The following ANO5 variants were observed in gnomAD, a reference collection of about 807,000 sequenced individuals.
The protein encoded by ANO5 is anoctamin-5.
ANO5 carries 109 observed loss-of-function variants against 121.0 expected under a neutral mutation model. The ratio of observed to expected loss-of-function variants is 0.90; its 90% confidence interval spans 0.77 to 1.06. The LOEUF (loss-of-function observed/expected upper bound fraction) is 1.06. Among genes scored for constraint, ANO5 ranks in the 50% least tolerant of loss-of-function variants. The pLI, the probability that ANO5 is intolerant of heterozygous loss-of-function variation, is 0.00. For missense variants in ANO5, 1,064 were observed against 1,078.5 expected (o/e 0.99, Z 0.19); for synonymous variants, 406 against 359.9 (o/e 1.13, Z -1.45).
intron 1 of ANO5, among the ~76,000 whole-genome samples, chr11:22,199,651 G>A (rs1352945584): frequency 6.6e-6 from 1 of 152,050 alleles, no homozygotes; most frequent in Admixed American, 6.5e-5. Flanking sequence ...TTAGTGATAA[G>A]AGTGCATTGT....
At chr11:22,222,416 C>T (rs1295146125) in intron 5 of ANO5, among the ~76,000 whole-genome samples, 2 of 152,024 alleles carry the variant, frequency 1.3e-5, no homozygotes, top group Middle Eastern at 3.4e-3. Flanking sequence ...TTAGCTTCTA[C>T]TCAGCCATTC....
chr11:22,231,893 T>C (rs1853053329), intron 7 of ANO5, among the ~76,000 whole-genome samples: 1 of 152,006 alleles, frequency 6.6e-6, no homozygotes, highest in Admixed American at 6.6e-5. Context: ...TGTTGTCTCT[T>C]TTCTTAATGG....
intron 3 of ANO5, 105 bp downstream of exon 3, chr11:22,211,419 TC>T: frequency 7.7e-7 from 1 of 1,291,006 alleles, no homozygotes; most frequent in Admixed American, 1.7e-5. Flanking sequence ...TTTGACATGC[TC>T]TCATACATGG....
At chr11:22,255,282 C>T in intron 12 of ANO5, 89 bp from the exon 13 acceptor site, 2 of 1,061,908 alleles carry the variant, frequency 1.9e-6, no homozygotes, top group Non-Finnish European at 2.6e-6. Flanking sequence ...ACATGTGAAC[C>T]ATCCTGCAAC....
chr11:22,205,567 TAAAATAAATA>T (rs1564911062), intron 2 of ANO5, among the ~76,000 whole-genome samples: 2 of 108,458 alleles, frequency 1.8e-5, no homozygotes, highest in East Asian at 4.9e-4. Flanking sequence ...TAAAATAAAA[TAAAATAAATA>T]AAAGGAAAGT....
intron 15 of ANO5, 110 bp downstream of exon 15, chr11:22,259,851 G>C: frequency 8.6e-7 from 1 of 1,162,554 alleles, no homozygotes; most frequent in Non-Finnish European, 1.2e-6. Flanking sequence ...CACATTTTAA[G>C]GCAGTTTTTC....
At chr11:22,261,810 T>G (rs955233866) in intron 15 of ANO5, among the ~76,000 whole-genome samples, 44 of 152,314 alleles carry the variant, frequency 2.9e-4, no homozygotes, top group South Asian at 2.3e-3. Flanking sequence ...CATGAGATTT[T>G]GGTTGGGACA....
intron 21 of ANO5, among the ~76,000 whole-genome samples, chr11:22,277,254 T>C (rs1455503228): frequency 6.6e-6 from 1 of 151,554 alleles, no homozygotes; most frequent in African/African-American, 2.4e-5. Flanking sequence ...TTAAAGCATA[T>C]TTTTTTGGTC....
At position 22,204,267 on chromosome 11, in the gene ANO5, ATAAT is replaced by A. The variant is rs142057822; in HGVS notation, c.87+418_87+421del. 3.0e-3 allele frequency among the ~76,000 whole-genome samples: 463 copies of A among 152,270 alleles called. 5 individuals are homozygous for A. Among genetic ancestry groups the A allele is most frequent in the African/African-American group, 0.011 (452 of 41,570 alleles). On this transcript the variant is annotated intron_variant, in intron 2 of 21. Transcript: ENST00000324559. ...GAATTGCATAAACACATTAAATAGAATAATAAATAAATTAAATACTACTTGTAAA... is the reference window on the plus strand; with the variant it reads ...GAATTGCATAAACACATTAAATAGAAAAATAAATTAAATACTACTTGTAAA...
intron 12 of ANO5, among the ~76,000 whole-genome samples, chr11:22,253,027 T>C (rs1238085501): frequency 2.0e-5 from 3 of 152,272 alleles, no homozygotes; most frequent in East Asian, 3.9e-4. Context: ...TTCATCTCCA[T>C]AGTTCCAGGG....
intron 7 of ANO5, among the ~76,000 whole-genome samples, chr11:22,229,066 A>C (rs1462200475): frequency 1.3e-5 from 2 of 151,926 alleles, no homozygotes; most frequent in African/African-American, 4.8e-5. Context: ...ATTGTCTTTC[A>C]TAATGGCTAT....
chr11:22,218,216 A>C, intron 3 of ANO5, 30 bp from the exon 4 acceptor site: 2 of 1,612,814 alleles, frequency 1.2e-6, no homozygotes, highest in Non-Finnish European at 1.7e-6. Flanking sequence ...CTGGGCAGGA[A>C]GTGCTAATTC....
rs1016527323 is a variant in ANO5, at chr11:22,199,884, A to C, written c.41-3920A>C. The stretch of plus-strand genomic sequence containing the variant: ...GATTTGCCCCCAAATTCAACGAATA[A>C]TAGGTTCTTTAAAGTTAGATATAAT... On this transcript the variant is annotated intron_variant, in intron 1 of 21. Coordinates refer to ENST00000324559, the MANE Select transcript of ANO5 (RefSeq NM_213599.3). Among the ~76,000 whole-genome samples, 4 of 152,150 alleles carry C rather than the reference A, an allele frequency of 2.6e-5. No individual in the cohort carries two copies. In the South Asian group the frequency reaches 8.3e-4, roughly 31 times the overall value.
chr11:22,272,632 G>A, intron 18 of ANO5, 152 bp from the exon 19 acceptor site: 1 of 718,810 alleles, frequency 1.4e-6, no homozygotes, highest in Non-Finnish European at 2.4e-6. Context: ...TGCCTCCTGT[G>A]GTAGAGGAGG....
intron 9 of ANO5, among the ~76,000 whole-genome samples, chr11:22,250,005 C>T (rs1457910572): frequency 6.6e-6 from 1 of 152,030 alleles, no homozygotes; most frequent in Non-Finnish European, 1.5e-5. Flanking sequence ...TATCTGTTAT[C>T]CCTTTTAATC....
rs542310540 is a variant in ANO5 at position 22,281,999 on chromosome 11, G to C, written c.*2234G>C. On this transcript the variant is annotated 3_prime_UTR_variant, in exon 22 of 22. Coordinates refer to ENST00000324559, the MANE Select transcript of ANO5 (RefSeq NM_213599.3). ...ATTTAAAAATGAAATACAGGTATTC[G>C]TCACTTTCCTGAAACCATGCTAACC... The C allele has an allele frequency of 2.0e-5, 3 of 151,986 alleles. No homozygotes were observed. Among genetic ancestry groups the C allele is most frequent in the East Asian group, 1.9e-4 (1 of 5,180 alleles). 9.4% of individuals were successfully genotyped at this position (151,986 alleles called of 1,614,324 possible). A position where few individuals can be genotyped will look rare whatever the true frequency, so the allele number is the denominator to read the frequency against.
chr11:22,269,492 AAAGAAAAGGAAGG>A (rs1283397783), intron 17 of ANO5, among the ~76,000 whole-genome samples: 13 of 14,922 alleles, frequency 8.7e-4, no homozygotes, highest in African/African-American at 2.3e-3. Flanking sequence ...AGGAAAGAAA[AAAGAAAAGGAAGG>A]AAAGAAAAAA....
intron 3 of ANO5, among the ~76,000 whole-genome samples, chr11:22,215,919 CTGCTTTTGCTCGTCACAAT>C (rs1852427943): frequency 6.6e-6 from 1 of 151,808 alleles, no homozygotes; most frequent in African/African-American, 2.4e-5. Flanking sequence ...TGGCTTCTTG[CTGCTTTTGCTCGTCACAAT>C]GTTTCTAAGA....
rs1349280757 is a variant in ANO5 at position 22,281,160 on chromosome 11, A to T, written c.*1395A>T. The T allele has an allele frequency of 6.6e-6, 1 of 152,046 alleles. No individual in the cohort carries two copies. The highest frequency in any genetic ancestry group is 2.1e-4 in the South Asian group (1 of 4,834). The allele number at this position is 152,046 out of a possible 1,614,324, so 9.4% of individuals were successfully genotyped here. ...ATATAGTCCAGTTATGTAGTATTTA[A>T]ATCTCCAGTTTCAAATTATAATTCA... is the stretch of plus-strand genomic sequence containing the variant. On this transcript the variant is annotated 3_prime_UTR_variant, in exon 22 of 22. Coordinates refer to ENST00000324559, the MANE Select transcript of ANO5 (RefSeq NM_213599.3).
Sources: gnomAD v4.1 joint callset for allele counts (sites outside exome capture counted in the v4.1 genomes callset) on GRCh38, gnomAD v4.1.1 for gene constraint, MANE v1.5 for transcripts, NCBI Gene and HGNC (gene_info 2026-07-23, HGNC 2026-07-21) for gene names.